The following ADAP1 variants were observed in gnomAD, a reference collection of about 807,000 sequenced individuals.
ADAP1 encodes arf-GAP with dual PH domain-containing protein 1.
ADAP1 carries 31 observed loss-of-function variants against 54.9 expected under a neutral mutation model. The ratio of observed to expected loss-of-function variants is 0.56; its 90% confidence interval spans 0.42 to 0.76. The LOEUF (loss-of-function observed/expected upper bound fraction) is 0.76. ADAP1 is among the 30% of genes least tolerant of loss of function. The pLI is 0.00. For synonymous variants in ADAP1, 313 were observed against 202.6 expected (o/e 1.55, Z -4.63); for missense variants, 535 against 512.4 (o/e 1.04, Z -0.42).
At chr7:944,291 A>G (rs1466774098) in intron 1 of ADAP1, among the ~76,000 whole-genome samples, 24 of 132,590 alleles carry the variant, frequency 1.8e-4, no homozygotes, top group Non-Finnish European at 3.8e-4. Flanking sequence ...GTCTCACTCT[A>G]TCACCCAGGC....
At chr7:930,610 A>T (rs2128107663) in intron 2 of ADAP1, among the ~76,000 whole-genome samples, 1 of 151,616 alleles carries the variant, frequency 6.6e-6, no homozygotes, top group Non-Finnish European at 1.5e-5. Context: ...CCTGAGGCCA[A>T]GAGTTCAAGG....
intron 3 of ADAP1, among the ~76,000 whole-genome samples, chr7:921,300 C>T (rs1409269465): frequency 6.6e-6 from 1 of 152,196 alleles, no homozygotes; most frequent in Non-Finnish European, 1.5e-5. Flanking sequence ...CTTATCTTAA[C>T]CTGAAGACAT....
chr7:911,377 C>T (rs966483000), intron 4 of ADAP1, among the ~76,000 whole-genome samples: 3 of 152,216 alleles, frequency 2.0e-5, no homozygotes, highest in African/African-American at 2.4e-5. Context: ...GCCCCCATCC[C>T]CGCCAGGCTG....
rs57908619 is a variant in ADAP1 at position 898,313 on chromosome 7, C to T, written c.*608G>A. The stretch of plus-strand genomic sequence containing the variant: ...GGCGCAGAGGCCACGTGTGGTGGGA[C>T]GGCAGCCTGCTGGCCCCTCCAGGTG... On this transcript the variant is annotated 3_prime_UTR_variant, in exon 11 of 11. Transcript: ENST00000265846. 3.7e-3 allele frequency: 610 copies of T among 164,552 alleles called. 5 individuals carry two copies. The highest frequency in any genetic ancestry group is 0.014 in the African/African-American group (564 of 41,672). 10.2% of individuals were successfully genotyped at this position (164,552 alleles called of 1,614,324 possible). A position where few individuals can be genotyped will look rare whatever the true frequency, so the allele number is the denominator to read the frequency against.
chr7:900,167 A>G lies in ADAP1; in HGVS notation c.733-3T>C. ...TTCCTGGAGAGCTTTGGCACCAGCT[A>G]GGGCAGGACACACCAGGCAGGGGAC... is the stretch of plus-strand genomic sequence containing the variant. On this transcript the variant is annotated splice_polypyrimidine_tract_variant and splice_region_variant and intron_variant, in intron 7 of 10. Coordinates refer to ENST00000265846, the MANE Select transcript of ADAP1 (RefSeq NM_006869.4). 6.2e-7 allele frequency: 1 copy of G among 1,613,062 alleles called. No homozygotes were observed. Among genetic ancestry groups the G allele is most frequent in the Non-Finnish European group, 8.5e-7 (1 of 1,179,896 alleles).
chr7:954,569 C>T lies in ADAP1; in HGVS notation c.-92G>A. The T allele has an allele frequency of 1.0e-6, 1 of 987,690 alleles. No homozygotes were observed. 61.2% of individuals were successfully genotyped at this position (987,690 alleles called of 1,614,324 possible). A position where few individuals can be genotyped will look rare whatever the true frequency, so the allele number is the denominator to read the frequency against. Reference sequence around the variant, plus strand: ...GCCCCGCGCAGGCCGCCCGCCGCCGCCGCCCCTGCGCCATCCCGGGCGGCC... The same window carrying T: ...GCCCCGCGCAGGCCGCCCGCCGCCGTCGCCCCTGCGCCATCCCGGGCGGCC... On this transcript the variant is annotated 5_prime_UTR_variant, in exon 1 of 11. Transcript: ENST00000265846.
At chr7:936,250 G>A (rs1401307369) in intron 1 of ADAP1, among the ~76,000 whole-genome samples, 1 of 151,590 alleles carries the variant, frequency 6.6e-6, no homozygotes, top group Admixed American at 6.6e-5. Flanking sequence ...GCCCAGGCTG[G>A]AGTATGATGG....
intron 2 of ADAP1, among the ~76,000 whole-genome samples, chr7:931,216 G>C (rs553287743): frequency 2.0e-5 from 3 of 152,172 alleles, no homozygotes; most frequent in South Asian, 4.1e-4. Flanking sequence ...TGGGGACGGT[G>C]CTCAAAGGTG....
At chr7:932,415 G>A (rs1368807659) in intron 2 of ADAP1, among the ~76,000 whole-genome samples, 2 of 152,154 alleles carry the variant, frequency 1.3e-5, no homozygotes, top group African/African-American at 2.4e-5. Context: ...GTTTGCCCTG[G>A]AATTATGGGG....
chr7:940,062 G>A (rs1011672918), intron 1 of ADAP1, among the ~76,000 whole-genome samples: 1 of 152,176 alleles, frequency 6.6e-6, no homozygotes, highest in African/African-American at 2.4e-5. Context: ...GTTGTCTGAT[G>A]CAAACCTGTC....
At chr7:929,520 A>AC (rs955113281) in intron 2 of ADAP1, among the ~76,000 whole-genome samples, 2 of 150,912 alleles carry the variant, frequency 1.3e-5, no homozygotes, top group African/African-American at 2.4e-5. Context: ...GTCTCAAAAA[A>AC]AAAAAAAAAA....
intron 2 of ADAP1, chr7:935,167 G>T (rs1189947665): frequency 2.7e-6 from 2 of 732,334 alleles, no homozygotes; most frequent in Non-Finnish European, 4.8e-6. Flanking sequence ...TCACAGAGAG[G>T]TTGGACCCGG....
Position 954,384 on chromosome 7 carries a change from G to A in ADAP1, c.82+12C>T. The A allele has an allele frequency of 3.6e-6, 4 of 1,100,546 alleles. No homozygotes were observed. Among genetic ancestry groups the A allele is most frequent in the Non-Finnish European group, 4.5e-6 (4 of 897,706 alleles). The allele number at this position is 1,100,546 out of a possible 1,614,324, so 68.2% of individuals were successfully genotyped here. On this transcript the variant is annotated intron_variant, in intron 1 of 10. Coordinates refer to ENST00000265846, the MANE Select transcript of ADAP1 (RefSeq NM_006869.4). Reference sequence around the variant, plus strand: ...ACCCACCCGGCCCCGCGCCCACCCGGCCCACACCTACCCGGGGCGCCGCAG... The same window carrying A: ...ACCCACCCGGCCCCGCGCCCACCCGACCCACACCTACCCGGGGCGCCGCAG...
chr7:939,155 C>A (rs1011890789), intron 1 of ADAP1, among the ~76,000 whole-genome samples: 1 of 152,200 alleles, frequency 6.6e-6, no homozygotes, highest in Non-Finnish European at 1.5e-5. Context: ...CTGTCTATAG[C>A]TGCTTTTGTG....
At chr7:925,043 C>T (rs918372180) in intron 3 of ADAP1, among the ~76,000 whole-genome samples, 2 of 151,916 alleles carry the variant, frequency 1.3e-5, no homozygotes, top group African/African-American at 4.8e-5. Context: ...GGGGCTGAGT[C>T]GCCAGCCTCG....
In ADAP1 at chr7:904,402, C is replaced by T. The variant is rs140953736; in HGVS notation, c.502-130G>A. ...TGTGGCTTTGGGCAAGTTACTTAAG[C>T]GCTCTGAGCCTTGGCCTCCCGGTCT... On this transcript the variant is annotated intron_variant, in intron 5 of 10. Transcript: ENST00000265846. 1.3e-3 allele frequency: 1,560 copies of T among 1,209,680 alleles called. 16 individuals carry two copies. The East Asian group carries it at 0.025, about 20-fold the overall frequency. The allele number at this position is 1,209,680 out of a possible 1,614,324, so 74.9% of individuals were successfully genotyped here.
At chr7:931,381 G>T (rs372673535) in intron 2 of ADAP1, among the ~76,000 whole-genome samples, 12 of 152,222 alleles carry the variant, frequency 7.9e-5, no homozygotes, top group Non-Finnish European at 1.6e-4. Flanking sequence ...TCCACACAAG[G>T]CATGTTCTCC....
At chr7:906,503 G>T (rs1395730889) in intron 4 of ADAP1, among the ~76,000 whole-genome samples, 3 of 1,110 alleles carry the variant, frequency 2.7e-3, no homozygotes, top group Non-Finnish European at 4.3e-3. Context: ...AAAGGAGAAA[G>T]GGAGAAAGGA....
chr7:953,782 G>A (rs1014491373), intron 1 of ADAP1, among the ~76,000 whole-genome samples: 1 of 152,240 alleles, frequency 6.6e-6, no homozygotes, highest in South Asian at 2.1e-4. Flanking sequence ...AGGGATGCCC[G>A]GCCGGGAGAA....
Sources: gnomAD v4.1 joint callset for allele counts (sites outside exome capture counted in the v4.1 genomes callset) on GRCh38, gnomAD v4.1.1 for gene constraint, MANE v1.5 for transcripts, NCBI Gene and HGNC (gene_info 2026-07-23, HGNC 2026-07-21) for gene names.